The following PRKCE variants were observed in gnomAD, a reference collection of about 807,000 sequenced individuals.
PRKCE encodes the protein protein kinase C epsilon type.
PRKCE carries 16 observed loss-of-function variants against 85.4 expected under a neutral mutation model. The ratio of observed to expected loss-of-function variants is 0.19; its 90% CI spans 0.13 to 0.28. PRKCE has a LOEUF of 0.28. Ranked by LOEUF, PRKCE falls within the 10% of genes least tolerant of loss-of-function variation. The pLI is 1.00. For synonymous variants in PRKCE, 388 were observed against 371.5 expected (o/e 1.04, Z -0.51); for missense variants, 573 against 975.2 (o/e 0.59, Z 5.49).
chr2:45,922,917 A>G (rs1366835098), intron 2 of PRKCE, among the ~76,000 whole-genome samples: 2 of 152,158 alleles, frequency 1.3e-5, no homozygotes, highest in African/African-American at 4.8e-5. Flanking sequence ...CATATTAGTC[A>G]TTGGAAATAA....
intron 11 of PRKCE, among the ~76,000 whole-genome samples, chr2:46,109,367 C>T (rs1409009380): frequency 6.6e-6 from 1 of 152,008 alleles, no homozygotes; most frequent in African/African-American, 2.4e-5. Context: ...TCCTTGATTT[C>T]TTGTGTCAGT....
intron 2 of PRKCE, among the ~76,000 whole-genome samples, chr2:45,934,900 A>AAG (rs557962625): frequency 3.1e-4 from 47 of 151,518 alleles, no homozygotes; most frequent in African/African-American, 1.1e-3. Flanking sequence ...AAAAAAAAAA[A>AAG]AAAAATTTAA....
intron 1 of PRKCE, among the ~76,000 whole-genome samples, chr2:45,833,551 C>T (rs1451490861): frequency 6.6e-6 from 1 of 152,220 alleles, no homozygotes; most frequent in Non-Finnish European, 1.5e-5. Context: ...CACTCTGAAG[C>T]AGGTCCTGCT....
chr2:45,703,999 C>T (rs1678900903), intron 1 of PRKCE, among the ~76,000 whole-genome samples: 1 of 152,192 alleles, frequency 6.6e-6, no homozygotes, highest in Admixed American at 6.5e-5. Flanking sequence ...TTATTTCTGA[C>T]AACACTGTTA....
At chr2:45,964,169 A>C (rs985480144) in intron 2 of PRKCE, among the ~76,000 whole-genome samples, 7 of 152,102 alleles carry the variant, frequency 4.6e-5, no homozygotes, top group Non-Finnish European at 7.4e-5. Flanking sequence ...GGAATGTCCC[A>C]CTCTACTCGG....
At chr2:45,979,071 C>T in intron 4 of PRKCE, 61 bp downstream of exon 4, 1 of 1,494,940 alleles carries the variant, frequency 6.7e-7, no homozygotes, top group Non-Finnish European at 9.2e-7. Flanking sequence ...ATCACTGGCA[C>T]CCATAGGAGG....
chr2:45,783,319 T>A (rs546379062), intron 1 of PRKCE, among the ~76,000 whole-genome samples: 2 of 152,344 alleles, frequency 1.3e-5, no homozygotes, highest in East Asian at 3.9e-4. Flanking sequence ...TGCTGGTGGC[T>A]GTCCTGTGGT....
chr2:45,866,490 G>A (rs1693623960), intron 2 of PRKCE, among the ~76,000 whole-genome samples: 1 of 151,992 alleles, frequency 6.6e-6, no homozygotes, highest in African/African-American at 2.4e-5. Flanking sequence ...TGTATTTTTA[G>A]TAGAGACGGG....
At chr2:45,910,905 A>C (rs919679732) in intron 2 of PRKCE, among the ~76,000 whole-genome samples, 1 of 152,194 alleles carries the variant, frequency 6.6e-6, no homozygotes, top group Non-Finnish European at 1.5e-5. Context: ...CCTGGCAAGC[A>C]GAGCGTGCCG....
chr2:45,697,129 T>G lies in PRKCE; in HGVS notation c.348+44681T>G, dbSNP rs764467506. Among the ~76,000 whole-genome samples the G allele has an allele frequency of 4.6e-5, 7 of 152,250 alleles. No homozygotes were observed. Among genetic ancestry groups the G allele is most frequent in the Non-Finnish European group, 1.0e-4 (7 of 68,040 alleles). On this transcript the variant is annotated intron_variant, in intron 1 of 14. Coordinates refer to ENST00000306156, the MANE Select transcript of PRKCE (RefSeq NM_005400.3). The surrounding 1 kb of genome is among the most constrained non-coding windows in gnomAD (Gnocchi z 4.2). ...GAAAAGGTGGATGTTGTTCTAATACTTAGGAACATGCCTCCAAATAAGATG... is the reference window on the plus strand; with the variant it reads ...GAAAAGGTGGATGTTGTTCTAATACGTAGGAACATGCCTCCAAATAAGATG...
chr2:45,726,397 C>G (rs1010728517), intron 1 of PRKCE, among the ~76,000 whole-genome samples: 3 of 152,206 alleles, frequency 2.0e-5, no homozygotes, highest in African/African-American at 7.2e-5. Context: ...CCCTGACCTT[C>G]AGCAATCACT....
At chr2:45,750,610 T>G (rs1475507303) in intron 1 of PRKCE, among the ~76,000 whole-genome samples, 2 of 152,256 alleles carry the variant, frequency 1.3e-5, no homozygotes, top group African/African-American at 4.8e-5. Flanking sequence ...AGTGAAATGA[T>G]GTCAACTTCC....
At chr2:45,791,603 A>G (rs1313184098) in intron 1 of PRKCE, among the ~76,000 whole-genome samples, 1 of 152,236 alleles carries the variant, frequency 6.6e-6, no homozygotes, top group Non-Finnish European at 1.5e-5. Flanking sequence ...GTAAACAAAT[A>G]GTAGCCTGAG....
chr2:45,925,118 T>C (rs1445408585), intron 2 of PRKCE, among the ~76,000 whole-genome samples: 1 of 152,122 alleles, frequency 6.6e-6, no homozygotes, highest in Non-Finnish European at 1.5e-5. Flanking sequence ...CAGAACTATC[T>C]GAAGCTTGAT....
chr2:46,095,743 T>G lies in PRKCE; in HGVS notation c.1592+9381T>G, dbSNP rs143571808. Among the ~76,000 whole-genome samples, 547 of 152,378 alleles carry G rather than the reference T, an allele frequency of 3.6e-3. 5 individuals are homozygous for G. Among genetic ancestry groups the G allele is most frequent in the Middle Eastern group, 0.017 (5 of 292 alleles). On this transcript the variant is annotated intron_variant, in intron 11 of 14. Transcript: ENST00000306156. ...TCCAACATTGTGTTGCATTCTTTTC[T>G]TACTCTCTCCATCTTTGTGTGTAAT... is the stretch of plus-strand genomic sequence containing the variant.
intron 1 of PRKCE, chr2:45,677,915 C>G: frequency 1.0e-6 from 1 of 984,866 alleles, no homozygotes; most frequent in Non-Finnish European, 1.2e-6. Flanking sequence ...TAGTGGGAAC[C>G]GGTAGGAGCA....
intron 1 of PRKCE, among the ~76,000 whole-genome samples, chr2:45,656,261 A>G (rs904484947): frequency 1.3e-5 from 2 of 152,244 alleles, no homozygotes; most frequent in Admixed American, 1.3e-4. Flanking sequence ...ACATTAAAAT[A>G]AACAGGGCTC....
intron 1 of PRKCE, among the ~76,000 whole-genome samples, chr2:45,714,688 T>C (rs1679945132): frequency 6.6e-6 from 1 of 152,184 alleles, no homozygotes; most frequent in Admixed American, 6.5e-5. Flanking sequence ...GTGGGGAGTA[T>C]AGACCGTGTG....
chr2:45,705,681 T>C (rs1679056842), intron 1 of PRKCE, among the ~76,000 whole-genome samples: 1 of 152,232 alleles, frequency 6.6e-6, no homozygotes, highest in African/African-American at 2.4e-5. Context: ...TTTGACTGTA[T>C]AATTATTCTT....
Sources: allele counts gnomAD v4.1 joint callset (sites outside exome capture counted in the v4.1 genomes callset), GRCh38; gene constraint gnomAD v4.1.1; non-coding constraint Gnocchi (gnomAD v3.1); transcripts MANE v1.5; gene names NCBI Gene and HGNC (gene_info 2026-07-23, HGNC 2026-07-21).